Variants in TMPRSS15 observed in about 807,000 individuals in gnomAD.
The protein encoded by TMPRSS15 is enteropeptidase.
TMPRSS15 carries 128 observed loss-of-function variants against 125.3 expected under a neutral mutation model. The observed-to-expected ratio is 1.02, with a 90% CI of 0.89 to 1.18. The LOEUF (loss-of-function observed/expected upper bound fraction) is 1.18, where lower values mean the gene tolerates loss of function less well. TMPRSS15 is among the 50% of genes most tolerant of loss of function. TMPRSS15 has a pLI of 0.00. For synonymous variants in TMPRSS15, 446 were observed against 423.2 expected (o/e 1.05, Z -0.66); for missense variants, 1,283 against 1,212.7 (o/e 1.06, Z -0.86).
At chr21:18,389,516 T>A (rs1043263117) in intron 3 of TMPRSS15, among the ~76,000 whole-genome samples, 2 of 152,154 alleles carry the variant, frequency 1.3e-5, no homozygotes, top group Non-Finnish European at 2.9e-5. Context: ...TAAACTCAAA[T>A]AATTTACAAT....
rs998860716 is a variant in TMPRSS15 at position 18,297,939 on chromosome 21, A to G, written c.2166-110T>C. The G allele has an allele frequency of 4.0e-6, 3 of 753,918 alleles. No individual in the cohort carries two copies. In the Admixed American group the frequency reaches 7.6e-5, roughly 19 times the overall value. 46.7% of individuals were successfully genotyped at this position (753,918 alleles called of 1,614,324 possible). On this transcript the variant is annotated intron_variant, in intron 18 of 24. Transcript: ENST00000284885. Reference sequence around the variant, plus strand: ...TGGACATTAAAACAAATTATGGGATACCAGCCAAAAAAATGAACGTTTTAA... The same window carrying G: ...TGGACATTAAAACAAATTATGGGATGCCAGCCAAAAAAATGAACGTTTTAA...
Position 18,326,479 on chromosome 21 carries a change from C to T in TMPRSS15, c.1874G>A (p.Gly625Glu). The T allele has an allele frequency of 1.2e-6, 2 of 1,614,166 alleles. No homozygotes were observed. Among genetic ancestry groups the T allele is most frequent in the Non-Finnish European group, 1.7e-6 (2 of 1,180,012 alleles). Residue 625 changes from glycine (G) to glutamate (E), a missense_variant, in exon 16 of 25, where the codon GGA becomes GAA. By Grantham distance (98) the Gly-to-Glu change is moderately conservative. Coordinates refer to ENST00000284885, the MANE Select transcript of TMPRSS15 (RefSeq NM_002772.3). Reference sequence around the variant, plus strand: ...AGTAGTAAAGTTTGCTTTAAACCCTCCTCTTGCCAACACATCGTTAGTGAT... The same window carrying T: ...AGTAGTAAAGTTTGCTTTAAACCCTTCTCTTGCCAACACATCGTTAGTGAT... ...LLITNDVLAR[G>E]GFKANFTTGY...
intron 24 of TMPRSS15, among the ~76,000 whole-genome samples, chr21:18,272,319 A>ATGT (rs1164733282): frequency 2.0e-5 from 3 of 151,770 alleles, no homozygotes; most frequent in Non-Finnish European, 4.4e-5. Context: ...ATGATCAGTG[A>ATGT]TGTTGAGTTT....
At chr21:18,379,416 T>A (rs1291490165) in intron 4 of TMPRSS15, 98 bp from the exon 5 acceptor site, 2 of 506,334 alleles carry the variant, frequency 3.9e-6, no homozygotes, top group Non-Finnish European at 6.4e-6. Context: ...AACCTAAGAA[T>A]TTTAAAAGTT....
chr21:18,350,334 T>C (rs2075553478), intron 10 of TMPRSS15, among the ~76,000 whole-genome samples: 1 of 152,156 alleles, frequency 6.6e-6, no homozygotes, highest in Admixed American at 6.6e-5. Flanking sequence ...AAAGAACATT[T>C]TTTATGTGAA....
upstream of TMPRSS15, among the ~76,000 whole-genome samples, chr21:18,405,397 A>G (rs188772498): frequency 8.9e-4 from 135 of 152,328 alleles, no homozygotes; most frequent in Middle Eastern, 0.01. Context: ...TGGAGGACAG[A>G]CTGAAATTAA....
At chr21:18,411,949 T>C (rs2076166976) in intron 1 of TMPRSS15, among the ~76,000 whole-genome samples, 6 of 152,140 alleles carry the variant, frequency 3.9e-5, no homozygotes, top group African/African-American at 1.2e-4. Context: ...CTGGGAAAGA[T>C]TGCTTTTTCC....
rs759238698 is a variant in TMPRSS15, at chr21:18,269,942, A to C, written c.*27T>G. ...TAGAGTAGAATGGGAAAATAATGCG[A>C]CTTTCCTGTTTAGTTTAAGAAATGC... On this transcript the variant is annotated 3_prime_UTR_variant, in exon 25 of 25. Transcript: ENST00000284885. The C allele has an allele frequency of 5.6e-6, 9 of 1,612,744 alleles. No individual in the cohort carries two copies. The highest frequency in any genetic ancestry group is 1.7e-5 in the Admixed American group (1 of 59,934).
chr21:18,393,037 TAAAAG>T (rs1202483597), intron 3 of TMPRSS15, among the ~76,000 whole-genome samples: 2 of 151,982 alleles, frequency 1.3e-5, no homozygotes, highest in East Asian at 3.9e-4. Context: ...AAAACATAGA[TAAAAG>T]AGAGAAAGCA....
rs183617108 is a variant in TMPRSS15, at chr21:18,383,024, T to C, written c.496+603A>G. Among the ~76,000 whole-genome samples the C allele has an allele frequency of 5.3e-5, 8 of 152,320 alleles. No homozygotes were observed. The East Asian group carries it at 1.2e-3, about 22-fold the overall frequency. On this transcript the variant is annotated intron_variant, in intron 4 of 24. Coordinates refer to ENST00000284885, the MANE Select transcript of TMPRSS15 (RefSeq NM_002772.3). ...TGGAAGGGATCAAACTCATTGACTC[T>C]ACTTTTTTCTTCTTTTTTTAGCTCC...
At chr21:18,390,835 T>C (rs1220911738) in intron 3 of TMPRSS15, among the ~76,000 whole-genome samples, 1 of 152,152 alleles carries the variant, frequency 6.6e-6, no homozygotes, top group Non-Finnish European at 1.5e-5. Flanking sequence ...GGGTAATTTA[T>C]AAAATAAAGA....
At chr21:18,366,580 TC>T in intron 6 of TMPRSS15, among the ~76,000 whole-genome samples, 1 of 152,314 alleles carries the variant, frequency 6.6e-6, no homozygotes, top group East Asian at 1.9e-4. Context: ...TTTGTTTTTT[TC>T]ATACACTTGC....
chr21:18,440,384 A>AAAAAAAAAAAAAAAAAAT (rs2076238674), intron 1 of TMPRSS15, among the ~76,000 whole-genome samples: 1 of 140,908 alleles, frequency 7.1e-6, no homozygotes, highest in Non-Finnish European at 1.5e-5. Flanking sequence ...AAAAAAAAAA[A>AAAAAAAAAAAAAAAAAAT]AAAAAGAAAA....
At chr21:18,307,755 C>T (rs2207386) in intron 18 of TMPRSS15, among the ~76,000 whole-genome samples, 53,786 of 151,658 alleles carry the variant, frequency 0.35, 10,983 homozygotes, top group East Asian at 0.55. Context: ...TAGGGATCCA[C>T]ATTTTGCTAT....
chr21:18,290,675 C>G (rs879674896), intron 21 of TMPRSS15, among the ~76,000 whole-genome samples: 1 of 151,810 alleles, frequency 6.6e-6, no homozygotes, highest in Non-Finnish European at 1.5e-5. Context: ...AACATGCAAA[C>G]AAAATAAAGA....
chr21:18,377,846 A>C (rs534763966), intron 5 of TMPRSS15, among the ~76,000 whole-genome samples: 141 of 152,226 alleles, frequency 9.3e-4, no homozygotes, highest in African/African-American at 3.4e-3. Context: ...CCCCTCATTC[A>C]TCATTTCCTT....
intron 10 of TMPRSS15, among the ~76,000 whole-genome samples, chr21:18,349,141 G>A (rs563254635): frequency 1.2e-4 from 18 of 152,240 alleles, no homozygotes; most frequent in African/African-American, 4.1e-4. Context: ...TAAAGGAAAC[G>A]AAAGAAACAT....
chr21:18,305,007 A>G (rs1474295094), intron 18 of TMPRSS15, among the ~76,000 whole-genome samples: 2 of 152,004 alleles, frequency 1.3e-5, no homozygotes, highest in South Asian at 4.1e-4. Context: ...AGACTGACAA[A>G]AGTACCTATG....
chr21:18,350,925 AG>A (rs2075562281), intron 10 of TMPRSS15, among the ~76,000 whole-genome samples: 1 of 152,066 alleles, frequency 6.6e-6, no homozygotes, highest in Non-Finnish European at 1.5e-5. Flanking sequence ...ATACATTTGA[AG>A]GGGCTTTTAC....
Sources: allele counts gnomAD v4.1 joint callset (sites outside exome capture counted in the v4.1 genomes callset), GRCh38; gene constraint gnomAD v4.1.1; transcripts MANE v1.5; gene names NCBI Gene and HGNC (gene_info 2026-07-23, HGNC 2026-07-21).